ADAMTS19: variants seen among roughly 807,000 people sequenced by gnomAD.
The protein encoded by ADAMTS19 is A disintegrin and metalloproteinase with thrombospondin motifs 19.
A neutral mutation model predicts 153.3 loss-of-function variants in ADAMTS19; 93 were observed. That is an observed-to-expected ratio of 0.61 (90% CI 0.51 to 0.72). The LOEUF is 0.72. ADAMTS19 is among the 30% of genes least tolerant of loss of function. ADAMTS19 has a pLI of 0.00. For missense variants in ADAMTS19, 1,482 were observed against 1,552.1 expected (o/e 0.95, Z 0.76); for synonymous variants, 600 against 556.6 (o/e 1.08, Z -1.10).
At chr5:129,569,969 A>T (rs922298566) in intron 7 of ADAMTS19, among the ~76,000 whole-genome samples, 1 of 152,028 alleles carries the variant, frequency 6.6e-6, no homozygotes, top group African/African-American at 2.4e-5. Flanking sequence ...AGAAGTAGTA[A>T]AAATAGGAGC....
At chr5:129,508,382 A>G (rs1381833458) in intron 2 of ADAMTS19, among the ~76,000 whole-genome samples, 1 of 152,010 alleles carries the variant, frequency 6.6e-6, no homozygotes, top group Admixed American at 6.6e-5. Context: ...GGAAGAAATG[A>G]CTAGGCTTAG....
At chr5:129,553,147 T>C (rs930848364) in intron 7 of ADAMTS19, among the ~76,000 whole-genome samples, 9 of 152,140 alleles carry the variant, frequency 5.9e-5, no homozygotes, top group African/African-American at 2.2e-4. Context: ...TAATAACCTT[T>C]TCTTTCATGT....
chr5:129,530,906 T>G (rs972576048), intron 6 of ADAMTS19, among the ~76,000 whole-genome samples: 4 of 151,944 alleles, frequency 2.6e-5, no homozygotes, highest in Non-Finnish European at 4.4e-5. Context: ...ACAAAGAATA[T>G]CTTAAGAAAT....
At chr5:129,673,966 C>T (rs1754430361) in intron 16 of ADAMTS19, among the ~76,000 whole-genome samples, 1 of 152,136 alleles carries the variant, frequency 6.6e-6, no homozygotes, top group South Asian at 2.1e-4. Flanking sequence ...GACGGTAACT[C>T]ACGCCTGTAA....
chr5:129,492,640 C>A (rs952144460), intron 2 of ADAMTS19, among the ~76,000 whole-genome samples: 5 of 151,876 alleles, frequency 3.3e-5, no homozygotes, highest in Non-Finnish European at 7.4e-5. Context: ...CTTATGTTTT[C>A]ATTACCTATA....
intron 2 of ADAMTS19, among the ~76,000 whole-genome samples, chr5:129,499,870 T>G (rs1751042690): frequency 6.6e-6 from 1 of 152,156 alleles, no homozygotes; most frequent in Non-Finnish European, 1.5e-5. Context: ...TGAGGTCCCC[T>G]CATTTAAAAG....
intron 16 of ADAMTS19, among the ~76,000 whole-genome samples, chr5:129,676,208 A>T (rs1020292331): frequency 2.6e-5 from 4 of 152,090 alleles, no homozygotes; most frequent in Non-Finnish European, 4.4e-5. Context: ...TGAATGTGAC[A>T]TTGCTGAATG....
chr5:129,526,233 T>A (rs1752002195), intron 3 of ADAMTS19, 51 bp from the exon 4 acceptor site: 1 of 1,444,908 alleles, frequency 6.9e-7, no homozygotes, highest in African/African-American at 1.5e-5. Context: ...TTTAATATTA[T>A]TCACTTTGCC....
chr5:129,617,017 A>T (rs991031328), intron 8 of ADAMTS19, among the ~76,000 whole-genome samples: 4 of 152,134 alleles, frequency 2.6e-5, no homozygotes, highest in African/African-American at 9.6e-5. Context: ...CCTCATTTGT[A>T]AAATAGAAGT....
At chr5:129,490,325 A>T (rs1226531025) in intron 2 of ADAMTS19, among the ~76,000 whole-genome samples, 2 of 152,312 alleles carry the variant, frequency 1.3e-5, no homozygotes, top group African/African-American at 4.8e-5. Flanking sequence ...CAACTGTAAA[A>T]TGCACACCCA....
At chr5:129,526,751 A>G (rs974033534) in intron 4 of ADAMTS19, among the ~76,000 whole-genome samples, 11 of 151,536 alleles carry the variant, frequency 7.3e-5, no homozygotes, top group Admixed American at 4.6e-4. Flanking sequence ...AAATGTTTCT[A>G]GCCCCATTTT....
At chr5:129,619,308 A>C (rs1009005181) in intron 8 of ADAMTS19, among the ~76,000 whole-genome samples, 3 of 152,064 alleles carry the variant, frequency 2.0e-5, no homozygotes, top group African/African-American at 7.2e-5. Context: ...ATCTTGGACA[A>C]GTTACTTCTC....
At chr5:129,495,314 T>C (rs1291328575) in intron 2 of ADAMTS19, among the ~76,000 whole-genome samples, 1 of 152,068 alleles carries the variant, frequency 6.6e-6, no homozygotes, top group African/African-American at 2.4e-5. Flanking sequence ...TCAACATTCA[T>C]TGCCCTAATT....
intron 16 of ADAMTS19, among the ~76,000 whole-genome samples, chr5:129,666,091 G>C (rs923518461): frequency 6.6e-6 from 1 of 151,138 alleles, no homozygotes; most frequent in African/African-American, 2.4e-5. Context: ...TCTCTCTCTT[G>C]CCTCATTTTA....
At chr5:129,546,070 G>T (rs1427665008) in intron 6 of ADAMTS19, among the ~76,000 whole-genome samples, 2 of 148,536 alleles carry the variant, frequency 1.3e-5, no homozygotes, top group South Asian at 2.1e-4. Flanking sequence ...AAAAGGATGA[G>T]TTCATGTCCT....
intron 8 of ADAMTS19, among the ~76,000 whole-genome samples, chr5:129,611,876 C>T (rs1016784325): frequency 6.6e-6 from 1 of 152,078 alleles, no homozygotes; most frequent in African/African-American, 2.4e-5. Flanking sequence ...GGAAGCCCGT[C>T]AAACTCACAG....
chr5:129,647,743 T>C (rs1383398868), intron 11 of ADAMTS19, 22 bp from the exon 12 acceptor site: 1 of 1,611,880 alleles, frequency 6.2e-7, no homozygotes, highest in African/African-American at 1.3e-5. Flanking sequence ...TTTGTTCACC[T>C]AAGACATAAC....
chr5:129,640,984 T>G (rs1249997848), intron 10 of ADAMTS19, among the ~76,000 whole-genome samples: 3 of 152,038 alleles, frequency 2.0e-5, no homozygotes, highest in Non-Finnish European at 2.9e-5. Context: ...ACCACCACAC[T>G]CAGCTAAATT....
chr5:129,566,761 TGATA>T (rs1753730140), intron 7 of ADAMTS19, among the ~76,000 whole-genome samples: 1 of 152,098 alleles, frequency 6.6e-6, no homozygotes, highest in Non-Finnish European at 1.5e-5. Context: ...TACAATCCCA[TGATA>T]GCAGCAGCAG....
Sources: gnomAD v4.1 joint callset for allele counts (sites outside exome capture counted in the v4.1 genomes callset) on GRCh38, gnomAD v4.1.1 for gene constraint, MANE v1.5 for transcripts, NCBI Gene and HGNC (gene_info 2026-07-23, HGNC 2026-07-21) for gene names.